The following MTUS2 variants were observed in gnomAD, a reference collection of about 807,000 sequenced individuals.
MTUS2 encodes microtubule-associated tumor suppressor candidate 2.
In MTUS2, 40 loss-of-function variants were observed where a neutral mutation model predicts 114.1. That is an observed-to-expected ratio of 0.35 (90% CI 0.27 to 0.46). The LOEUF (loss-of-function observed/expected upper bound fraction) is 0.46. Ranked by LOEUF, MTUS2 falls within the 20% of genes least tolerant of loss-of-function variation. The probability of loss-of-function intolerance (pLI) is 1.00; values close to 1 mark genes in which losing one functional copy is unlikely to be tolerated. For missense variants in MTUS2, 1,679 were observed against 1,705.4 expected (o/e 0.98, Z 0.27); for synonymous variants, 688 against 672.0 (o/e 1.02, Z -0.37).
chr13:29,493,380 C>T (rs894764122), intron 12 of MTUS2, among the ~76,000 whole-genome samples: 7 of 152,184 alleles, frequency 4.6e-5, no homozygotes, highest in African/African-American at 1.7e-4. Context: ...GAAGAGCTGC[C>T]TGGGAAGCCA....
intron 8 of MTUS2, among the ~76,000 whole-genome samples, chr13:29,386,865 C>T (rs1487261778): frequency 1.3e-5 from 2 of 152,164 alleles, no homozygotes; most frequent in African/African-American, 4.8e-5. Context: ...GAGCAGACTA[C>T]AGATCCTGAT....
intron 8 of MTUS2, among the ~76,000 whole-genome samples, chr13:29,366,111 GT>G (rs1158838063): frequency 5.9e-5 from 9 of 152,148 alleles, no homozygotes; most frequent in Admixed American, 5.2e-4. Context: ...GACTCTGTGG[GT>G]TGTTCTATTA....
chr13:29,475,778 GTCAAAAAGTTTGAAAAAA>G (rs1423115756), intron 9 of MTUS2, among the ~76,000 whole-genome samples: 3 of 152,220 alleles, frequency 2.0e-5, no homozygotes, highest in African/African-American at 7.2e-5. Flanking sequence ...TTACAAAAGA[GTCAAAAAGTTTGAAAAAA>G]TCAAAAAGTT....
chr13:29,141,796 A>G (rs946879771), intron 5 of MTUS2, among the ~76,000 whole-genome samples: 1 of 152,320 alleles, frequency 6.6e-6, no homozygotes, highest in African/African-American at 2.4e-5. Context: ...TAGAAAAACA[A>G]TAATAGTTAA....
chr13:29,153,395 C>T (rs1892735680), intron 5 of MTUS2, among the ~76,000 whole-genome samples: 1 of 152,222 alleles, frequency 6.6e-6, no homozygotes, highest in Admixed American at 6.5e-5. Context: ...CTACTCTCTC[C>T]TTCTCCTGGC....
Position 29,281,774 on chromosome 13 carries a change from G to A in MTUS2, c.2715G>A (p.Gly905=). Residue 905 remains glycine, a synonymous_variant, in exon 6 of 16, where the codon GGG becomes GGA. Coordinates refer to ENST00000612955, the MANE Select transcript of MTUS2 (RefSeq NM_001033602.4). ...TGCCTTCTAAGGACACACCCAAGGGGGCCGGCCGGGTGGCCCCTCCAGCAT... is the reference window on the plus strand; with the variant it reads ...TGCCTTCTAAGGACACACCCAAGGGAGCCGGCCGGGTGGCCCCTCCAGCAT... The part of the protein sequence containing the change: ...ASLPSKDTPK[G]AGRVAPPASS... 6.2e-7 allele frequency: 1 copy of A among 1,612,268 alleles called. No individual in the cohort carries two copies. The highest frequency in any genetic ancestry group is 8.5e-7 in the Non-Finnish European group (1 of 1,178,592).
chr13:28,872,521 A>G (rs1291275441), intron 2 of MTUS2, among the ~76,000 whole-genome samples: 3 of 152,192 alleles, frequency 2.0e-5, no homozygotes, highest in Non-Finnish European at 2.9e-5. Flanking sequence ...ATTCTGCTGG[A>G]TGGAAGACTG....
At chr13:29,097,045 G>A (rs1890207524) in intron 4 of MTUS2, among the ~76,000 whole-genome samples, 1 of 152,132 alleles carries the variant, frequency 6.6e-6, no homozygotes. Flanking sequence ...GGTGGGGTTG[G>A]AGTGAGAATT....
chr13:28,913,142 A>G (rs1880547115), intron 2 of MTUS2, among the ~76,000 whole-genome samples: 1 of 152,122 alleles, frequency 6.6e-6, no homozygotes, highest in Non-Finnish European at 1.5e-5. Flanking sequence ...AGAACTTCCA[A>G]CACTATGTTG....
intron 9 of MTUS2, among the ~76,000 whole-genome samples, chr13:29,457,320 C>G (rs952191197): frequency 5.3e-5 from 8 of 152,118 alleles, no homozygotes; most frequent in Admixed American, 1.3e-4. Flanking sequence ...AGCCCCCCTT[C>G]TTCTAAAGCA....
At chr13:29,033,729 C>T (rs547263746) in intron 3 of MTUS2, among the ~76,000 whole-genome samples, 156 bp from the exon 4 acceptor site, 6 of 151,840 alleles carry the variant, frequency 4.0e-5, no homozygotes, top group East Asian at 1.9e-4. Flanking sequence ...AATCAGGAGA[C>T]GAAGACACTG....
At chr13:29,426,589 G>A (rs894941032) in intron 8 of MTUS2, among the ~76,000 whole-genome samples, 3 of 152,080 alleles carry the variant, frequency 2.0e-5, no homozygotes, top group Non-Finnish European at 4.4e-5. Flanking sequence ...CTGTGAATTC[G>A]ACCACTCTAG....
At chr13:28,939,533 T>C (rs1472430686) in intron 2 of MTUS2, among the ~76,000 whole-genome samples, 1 of 148,726 alleles carries the variant, frequency 6.7e-6, no homozygotes. Flanking sequence ...CAAAACAGTT[T>C]CCAAATGTTT....
At chr13:29,139,671 T>A (rs1164215336) in intron 5 of MTUS2, among the ~76,000 whole-genome samples, 15 of 152,220 alleles carry the variant, frequency 9.9e-5, no homozygotes, top group Admixed American at 9.8e-4. Flanking sequence ...AGGTAATTAT[T>A]GCATTGTCTT....
At chr13:28,844,412 T>C (rs570223712) in intron 2 of MTUS2, among the ~76,000 whole-genome samples, 56 of 152,266 alleles carry the variant, frequency 3.7e-4, no homozygotes, top group African/African-American at 1.3e-3. Context: ...TGTGTGTGTG[T>C]GTGCGCGCAT....
At chr13:28,863,425 T>C (rs562574541) in intron 2 of MTUS2, among the ~76,000 whole-genome samples, 1 of 152,338 alleles carries the variant, frequency 6.6e-6, no homozygotes, top group Admixed American at 6.5e-5. Context: ...ATTAAAGGTG[T>C]GTCAAGCCTT....
chr13:28,944,996 G>A (rs1313753199), intron 2 of MTUS2, among the ~76,000 whole-genome samples: 1 of 152,044 alleles, frequency 6.6e-6, no homozygotes, highest in Non-Finnish European at 1.5e-5. Context: ...ACCCTTCTGA[G>A]TCTCCAGTAT....
intron 5 of MTUS2, among the ~76,000 whole-genome samples, chr13:29,123,153 T>G (rs1891381238): frequency 6.6e-6 from 1 of 152,228 alleles, no homozygotes; most frequent in Non-Finnish European, 1.5e-5. Flanking sequence ...TTGAAATTTT[T>G]ATTCATTTAC....
rs184379687 is a variant in MTUS2 at position 29,360,798 on chromosome 13, G to A, written c.3117+1325G>A. ...TTTTTGTAATTAGGGAAGGTGATTC[G>A]TCGTATTTCCCACTGACTGTCAAGT... On this transcript the variant is annotated intron_variant, in intron 8 of 15. Coordinates refer to ENST00000612955, the MANE Select transcript of MTUS2 (RefSeq NM_001033602.4). Among the ~76,000 whole-genome samples the A allele has an allele frequency of 2.5e-3, 381 of 150,288 alleles. 8 individuals are homozygous for A. Among genetic ancestry groups the A allele is most frequent in the Non-Finnish European group, 1.1e-3 (72 of 67,784 alleles).
Sources: allele counts gnomAD v4.1 joint callset (sites outside exome capture counted in the v4.1 genomes callset), GRCh38; gene constraint gnomAD v4.1.1; transcripts MANE v1.5; gene names NCBI Gene and HGNC (gene_info 2026-07-23, HGNC 2026-07-21).